Variants in ST8SIA4 observed in about 807,000 individuals in gnomAD.
The protein encoded by ST8SIA4 is CMP-N-acetylneuraminate-poly-alpha-2,8-sialyltransferase.
ST8SIA4 carries 15 observed loss-of-function variants against 33.9 expected under a neutral mutation model. That is an observed-to-expected ratio of 0.44 (90% CI 0.30 to 0.68). The LOEUF (loss-of-function observed/expected upper bound fraction) is 0.68. Ranked by LOEUF, ST8SIA4 falls within the 30% of genes least tolerant of loss-of-function variation. ST8SIA4 has a pLI of 0.10. For synonymous variants in ST8SIA4, 171 were observed against 151.2 expected (o/e 1.13, Z -0.96); for missense variants, 321 against 428.0 (o/e 0.75, Z 2.21).
At chr5:100,863,683 ATAAT>A (rs1561398614) in intron 3 of ST8SIA4, among the ~76,000 whole-genome samples, 1 of 152,214 alleles carries the variant, frequency 6.6e-6, no homozygotes, top group Non-Finnish European at 1.5e-5. Context: ...CTTGAAATAA[ATAAT>A]AAGAGGATAC....
intron 1 of ST8SIA4, among the ~76,000 whole-genome samples, chr5:100,900,908 T>C (rs1305642313): frequency 6.6e-6 from 1 of 152,148 alleles, no homozygotes; most frequent in Non-Finnish European, 1.5e-5. Flanking sequence ...GGTGCGCGCC[T>C]CTCTTCCTGT....
chr5:100,811,822 C>T lies in ST8SIA4; in HGVS notation c.*25G>A. On this transcript the variant is annotated 3_prime_UTR_variant, in exon 5 of 5. Coordinates refer to ENST00000231461, the MANE Select transcript of ST8SIA4 (RefSeq NM_005668.6). The stretch of plus-strand genomic sequence containing the variant: ...CGGAAGCATCTTCAGAAAAGAAGTG[C>T]ATATTGTTTGTTTCAAAATGTGCTT... The T allele has an allele frequency of 6.3e-7, 1 of 1,579,142 alleles. No individual in the cohort carries two copies. The highest frequency in any genetic ancestry group is 8.6e-7 in the Non-Finnish European group (1 of 1,163,442).
intron 4 of ST8SIA4, among the ~76,000 whole-genome samples, chr5:100,818,700 T>A (rs1273847969): frequency 6.6e-6 from 1 of 152,180 alleles, no homozygotes; most frequent in Non-Finnish European, 1.5e-5. Context: ...GTAGAAAATC[T>A]TTTCTACAGA....
chr5:100,876,527 T>C (rs1752310476), intron 3 of ST8SIA4, among the ~76,000 whole-genome samples: 1 of 152,088 alleles, frequency 6.6e-6, no homozygotes, highest in Non-Finnish European at 1.5e-5. Context: ...GTAAGATATC[T>C]TTAACCTAGC....
chr5:100,848,057 C>T (rs2112430052), intron 4 of ST8SIA4, among the ~76,000 whole-genome samples: 1 of 151,984 alleles, frequency 6.6e-6, no homozygotes, highest in East Asian at 1.9e-4. Flanking sequence ...TATTTAGTCA[C>T]TTAAAGTAAT....
At position 100,808,875 on chromosome 5, in the gene ST8SIA4, C is replaced by T. The variant is rs527697681; in HGVS notation, c.*2972G>A. 6.5e-6 allele frequency: 1 copy of T among 152,692 alleles called. No homozygotes were observed. The highest frequency in any genetic ancestry group is 1.9e-4 in the East Asian group (1 of 5,174). 9.5% of individuals were successfully genotyped at this position (152,692 alleles called of 1,614,324 possible). On this transcript the variant is annotated 3_prime_UTR_variant, in exon 5 of 5. Transcript: ENST00000231461. ...GCTTGTACAGTTTGTCTTCTTTGAA[C>T]CCTAAATACCTTTAACTGAATTCAT...
intron 4 of ST8SIA4, among the ~76,000 whole-genome samples, chr5:100,853,270 AC>A (rs1751742395): frequency 6.6e-6 from 1 of 152,210 alleles, no homozygotes; most frequent in Non-Finnish European, 1.5e-5. Flanking sequence ...TATCTTACAT[AC>A]ATCAATGTAT....
chr5:100,821,138 G>T (rs1279323098), intron 4 of ST8SIA4, among the ~76,000 whole-genome samples: 1 of 151,994 alleles, frequency 6.6e-6, no homozygotes, highest in East Asian at 1.9e-4. Flanking sequence ...TATGAGATCA[G>T]ATTACTTTTT....
Position 100,882,186 on chromosome 5 carries a change from T to TATGGATAA in ST8SIA4, c.503+4149_503+4156dup, listed in dbSNP as rs1355189301. Among the ~76,000 whole-genome samples the TATGGATAA allele has an allele frequency of 3.9e-5, 6 of 152,266 alleles. No individual in the cohort carries two copies. The East Asian group carries it at 1.2e-3, about 29-fold the overall frequency. ...GCATTGACCAAAAGCCTGATCGCAA[T>TATGGATAA]ATGGATAATAAGGTTCAGGCTGAGG... On this transcript the variant is annotated intron_variant, in intron 3 of 4. Transcript: ENST00000231461.
At chr5:100,853,923 A>T (rs1160277014) in intron 4 of ST8SIA4, among the ~76,000 whole-genome samples, 1 of 151,946 alleles carries the variant, frequency 6.6e-6, no homozygotes, top group Non-Finnish European at 1.5e-5. Flanking sequence ...GGGAGGACTT[A>T]CTTCAGATTA....
intron 4 of ST8SIA4, among the ~76,000 whole-genome samples, chr5:100,849,652 G>T (rs1751646794): frequency 6.6e-6 from 1 of 151,734 alleles, no homozygotes; most frequent in Non-Finnish European, 1.5e-5. Flanking sequence ...TTAGCCGGGC[G>T]TGGCGCCTCA....
At chr5:100,839,303 A>T (rs2112422296) in intron 4 of ST8SIA4, among the ~76,000 whole-genome samples, 1 of 152,112 alleles carries the variant, frequency 6.6e-6, no homozygotes. Flanking sequence ...GAGCCTTATA[A>T]ATAATATGGC....
chr5:100,865,490 G>C (rs1258191996), intron 3 of ST8SIA4, among the ~76,000 whole-genome samples: 1 of 152,016 alleles, frequency 6.6e-6, no homozygotes, highest in East Asian at 1.9e-4. Flanking sequence ...AGTTAGCATG[G>C]TTAAGGAAAT....
chr5:100,857,895 T>C (rs1751852283), intron 3 of ST8SIA4, among the ~76,000 whole-genome samples: 1 of 152,066 alleles, frequency 6.6e-6, no homozygotes, highest in African/African-American at 2.4e-5. Context: ...AAGATTATTA[T>C]CTTTTCAATT....
chr5:100,819,613 G>A (rs1416353412), intron 4 of ST8SIA4, among the ~76,000 whole-genome samples: 2 of 152,186 alleles, frequency 1.3e-5, no homozygotes, highest in African/African-American at 4.8e-5. Context: ...TTCAGACGCA[G>A]AAGAGACAGA....
At position 100,877,381 on chromosome 5, in the gene ST8SIA4, T is replaced by G. The variant is rs539258615; in HGVS notation, c.503+8962A>C. Among the ~76,000 whole-genome samples the G allele has an allele frequency of 3.3e-5, 5 of 152,288 alleles. No homozygotes were observed. The South Asian group carries it at 1.0e-3, about 32-fold the overall frequency. On this transcript the variant is annotated intron_variant, in intron 3 of 4. Transcript: ENST00000231461. ...ATTTGAAGCAAAAATTCTCTGGACC[T>G]TCTAAAGTAGAGGAGACACATTGGC...
At chr5:100,886,226 A>T in intron 3 of ST8SIA4, 117 bp downstream of exon 3, 2 of 1,476,574 alleles carry the variant, frequency 1.4e-6, no homozygotes, top group Admixed American at 5.0e-5. Context: ...AAAGGATATC[A>T]TAGACAAATA....
chr5:100,851,613 A>T (rs980901), intron 4 of ST8SIA4, among the ~76,000 whole-genome samples: 136,068 of 151,994 alleles, frequency 0.9, 61,771 homozygotes, highest in Middle Eastern at 0.98. Flanking sequence ...CTACAATAAA[A>T]ACATATTTAG....
chr5:100,903,269 G>T lies in ST8SIA4; in HGVS notation c.-314C>A. 5.7e-6 allele frequency: 2 copies of T among 352,078 alleles called. No individual in the cohort carries two copies. The highest frequency in any genetic ancestry group is 1.1e-5 in the Non-Finnish European group (2 of 189,978). The allele number at this position is 352,078 out of a possible 1,614,324, so 21.8% of individuals were successfully genotyped here. A position where few individuals can be genotyped will look rare whatever the true frequency, so the allele number is the denominator to read the frequency against. On this transcript the variant is annotated 5_prime_UTR_variant, in exon 1 of 5. Transcript: ENST00000231461. ...GAGGTGGCGGCAGCTTCTGCAGCTG[G>T]GTTCGGGGGCGTCACTGGCCCTTCC...
Sources: allele counts gnomAD v4.1 joint callset (sites outside exome capture counted in the v4.1 genomes callset), GRCh38; gene constraint gnomAD v4.1.1; transcripts MANE v1.5; gene names NCBI Gene and HGNC (gene_info 2026-07-23, HGNC 2026-07-21).